The following SLC1A2 variants were observed in gnomAD, a reference collection of about 807,000 sequenced individuals.
SLC1A2 encodes excitatory amino acid transporter 2.
In SLC1A2, 15 loss-of-function variants were observed where a neutral mutation model predicts 48.8. That is an observed-to-expected ratio of 0.31 (90% CI 0.21 to 0.47). The LOEUF is 0.47. SLC1A2 is among the 20% of genes least tolerant of loss of function. The pLI is 0.99. For synonymous variants in SLC1A2, 279 were observed against 272.6 expected (o/e 1.02, Z -0.23); for missense variants, 502 against 730.5 (o/e 0.69, Z 3.61).
chr11:35,306,564 C>T (rs890919549), intron 4 of SLC1A2, among the ~76,000 whole-genome samples: 1 of 152,120 alleles, frequency 6.6e-6, no homozygotes, highest in East Asian at 1.9e-4. Flanking sequence ...AGGTGTCTAA[C>T]ATCTGAGTAC....
intron 2 of SLC1A2, chr11:35,317,172 G>T: frequency 1.9e-6 from 1 of 525,922 alleles, no homozygotes. Flanking sequence ...AAAAATTTAA[G>T]AACTACTAGA....
chr11:35,290,828 G>A (rs148904857), intron 7 of SLC1A2, among the ~76,000 whole-genome samples: 126 of 151,696 alleles, frequency 8.3e-4, no homozygotes, highest in Non-Finnish European at 1.1e-3. Flanking sequence ...CTTCATCTTC[G>A]GAAACTGGGT....
chr11:35,403,612 C>T (rs755399573), intron 1 of SLC1A2, among the ~76,000 whole-genome samples: 4 of 152,134 alleles, frequency 2.6e-5, no homozygotes, highest in Non-Finnish European at 5.9e-5. Context: ...AGCATTAAAC[C>T]GTGGACTGCC....
chr11:35,275,720 G>C (rs1051599806), intron 9 of SLC1A2, among the ~76,000 whole-genome samples: 2 of 152,216 alleles, frequency 1.3e-5, no homozygotes, highest in Admixed American at 6.5e-5. Flanking sequence ...GCTTTGTTTG[G>C]TTTTAAATTG....
intron 7 of SLC1A2, among the ~76,000 whole-genome samples, chr11:35,287,431 T>C (rs879824110): frequency 6.6e-6 from 1 of 152,232 alleles, no homozygotes; most frequent in Non-Finnish European, 1.5e-5. Context: ...CATTTAGCCC[T>C]GGGAAATTGT....
chr11:35,313,804 C>T (rs1206667236), intron 3 of SLC1A2, among the ~76,000 whole-genome samples: 1 of 152,136 alleles, frequency 6.6e-6, no homozygotes, highest in East Asian at 1.9e-4. Flanking sequence ...CCCCTAAGTG[C>T]CTGATCCTGA....
At chr11:35,312,876 T>C (rs890969063) in intron 3 of SLC1A2, among the ~76,000 whole-genome samples, 11 of 152,244 alleles carry the variant, frequency 7.2e-5, no homozygotes, top group African/African-American at 2.4e-4. Flanking sequence ...GGGCCGACTG[T>C]ATTGAATATT....
intron 1 of SLC1A2, among the ~76,000 whole-genome samples, chr11:35,348,552 G>C (rs959469526): frequency 6.6e-6 from 1 of 152,066 alleles, no homozygotes; most frequent in Non-Finnish European, 1.5e-5. Flanking sequence ...CAGAGGGGAG[G>C]AAGCACATGA....
chr11:35,302,804 G>A (rs1303155276), intron 5 of SLC1A2, among the ~76,000 whole-genome samples: 2 of 151,084 alleles, frequency 1.3e-5, no homozygotes, highest in Admixed American at 6.6e-5. Flanking sequence ...GCTTACAGGT[G>A]TTTCCAGTAC....
At position 35,255,157 on chromosome 11, in the gene SLC1A2, C is replaced by T. The variant is rs1950296863; in HGVS notation, c.*5737G>A. ...TCTCTGACAACAAAGGAGTTCACAACACAACAAATACCAACACTACTCTAT... is the reference window on the plus strand; with the variant it reads ...TCTCTGACAACAAAGGAGTTCACAATACAACAAATACCAACACTACTCTAT... On this transcript the variant is annotated 3_prime_UTR_variant, in exon 11 of 11. Coordinates refer to ENST00000278379, the MANE Select transcript of SLC1A2 (RefSeq NM_004171.4). 1 of 246,000 alleles carries T rather than the reference C, an allele frequency of 4.1e-6. No homozygotes were observed. The highest frequency in any genetic ancestry group is 4.6e-5 in the South Asian group (1 of 21,584). 15.2% of individuals were successfully genotyped at this position (246,000 alleles called of 1,614,324 possible). A position where few individuals can be genotyped will look rare whatever the true frequency, so the allele number is the denominator to read the frequency against.
At chr11:35,324,733 A>C (rs1267059126) in intron 1 of SLC1A2, among the ~76,000 whole-genome samples, 1 of 152,190 alleles carries the variant, frequency 6.6e-6, no homozygotes, top group Non-Finnish European at 1.5e-5. Context: ...ATAACCCCTC[A>C]AAAGACATCA....
At position 35,419,021 on chromosome 11, in the gene SLC1A2, A is replaced by G; in HGVS notation, c.-55T>C. On this transcript the variant is annotated 5_prime_UTR_variant, in exon 1 of 11. Coordinates refer to ENST00000278379, the MANE Select transcript of SLC1A2 (RefSeq NM_004171.4). This position sits in a 1 kb window ranked among gnomAD's most constrained non-coding sequence, Gnocchi z 5.4. ...ACTATCCGGCAGCTGTGGGCGAGGGAGAAAGCGGACGCCGGGGTGAGCGCG... is the reference window on the plus strand; with the variant it reads ...ACTATCCGGCAGCTGTGGGCGAGGGGGAAAGCGGACGCCGGGGTGAGCGCG... 6.6e-7 allele frequency: 1 copy of G among 1,519,334 alleles called. No homozygotes were observed. Among genetic ancestry groups the G allele is most frequent in the South Asian group, 1.2e-5 (1 of 82,446 alleles). 94.1% of individuals were successfully genotyped at this position (1,519,334 alleles called of 1,614,324 possible). A position where few individuals can be genotyped will look rare whatever the true frequency, so the allele number is the denominator to read the frequency against.
At chr11:35,350,183 A>G (rs902527354) in intron 1 of SLC1A2, among the ~76,000 whole-genome samples, 1 of 152,246 alleles carries the variant, frequency 6.6e-6, no homozygotes, top group Non-Finnish European at 1.5e-5. Context: ...AGTACAGACT[A>G]AAACTTAAAC....
intron 1 of SLC1A2, among the ~76,000 whole-genome samples, chr11:35,384,246 A>C (rs1026569127): frequency 2.0e-5 from 3 of 152,224 alleles, no homozygotes; most frequent in African/African-American, 7.2e-5. Flanking sequence ...TCATCAACGA[A>C]GTCAGTGAGA....
At chr11:35,408,644 T>C (rs1308395853) in intron 1 of SLC1A2, among the ~76,000 whole-genome samples, 4 of 152,228 alleles carry the variant, frequency 2.6e-5, no homozygotes, top group Non-Finnish European at 5.9e-5. Context: ...TTTGCTTTTA[T>C]TGTTAATAAA....
chr11:35,367,496 C>T (rs750745908), intron 1 of SLC1A2, among the ~76,000 whole-genome samples: 15 of 152,210 alleles, frequency 9.9e-5, no homozygotes, highest in Non-Finnish European at 1.6e-4. Context: ...CTCCATTTTC[C>T]CGAACCCCTG....
chr11:35,345,066 A>G (rs1270387331), intron 1 of SLC1A2, among the ~76,000 whole-genome samples: 1 of 151,826 alleles, frequency 6.6e-6, no homozygotes, highest in East Asian at 1.9e-4. Context: ...AAGAGTAAAA[A>G]AAAATAGTCC....
chr11:35,309,852 T>C (rs1591455967), intron 4 of SLC1A2, among the ~76,000 whole-genome samples: 1 of 152,230 alleles, frequency 6.6e-6, no homozygotes, highest in East Asian at 1.9e-4. Context: ...TTCTACACCA[T>C]TCTTCCTCAG....
At chr11:35,265,217 G>T in intron 10 of SLC1A2, 1 of 441,846 alleles carries the variant, frequency 2.3e-6, no homozygotes, top group Non-Finnish European at 4.0e-6. Flanking sequence ...ACAAATTCTT[G>T]GGCGAAATAT....
Sources: gnomAD v4.1 joint callset for allele counts (sites outside exome capture counted in the v4.1 genomes callset) on GRCh38, gnomAD v4.1.1 for gene constraint, Gnocchi (gnomAD v3.1) non-coding constraint, MANE v1.5 for transcripts, NCBI Gene and HGNC (gene_info 2026-07-23, HGNC 2026-07-21) for gene names.